The following KHDRBS3 variants were observed in gnomAD, a reference collection of about 807,000 sequenced individuals.
KHDRBS3 encodes the protein KH RNA binding domain containing, signal transduction associated 3, also known as KH domain-containing, RNA-binding, signal transduction-associated protein 3.
KHDRBS3 carries 23 observed loss-of-function variants against 45.6 expected under a neutral mutation model. The observed-to-expected ratio is 0.50, with a 90% CI of 0.36 to 0.72. The LOEUF is 0.72. KHDRBS3 is among the 30% of genes least tolerant of loss of function. The probability of loss-of-function intolerance (pLI) is 0.00; values close to 1 mark genes in which losing one functional copy is unlikely to be tolerated. For synonymous variants in KHDRBS3, 162 were observed against 156.5 expected, an observed-to-expected ratio of 1.04 and a Z score of -0.26; for missense variants, 352 against 424.8, an observed-to-expected ratio of 0.83 and a Z score of 1.51.
In KHDRBS3 at chr8:135,583,965, G is replaced by C. The variant is rs1260862631; in HGVS notation, c.807+1892G>C. Among the ~76,000 whole-genome samples, 3 of 152,156 alleles carry C rather than the reference G, an allele frequency of 2.0e-5. No homozygotes were observed. The East Asian group carries it at 5.8e-4, about 29-fold the overall frequency. ...TTTTATTTTTGTAAATGATAGGAAA[G>C]GCATTAAAACAATTGAATTGAGAAG... On this transcript the variant is annotated intron_variant, in intron 6 of 8. Transcript: ENST00000355849.
intron 7 of KHDRBS3, chr8:135,625,508 GCTGCA>G (rs1830319286): frequency 2.5e-6 from 2 of 804,866 alleles, no homozygotes; most frequent in East Asian, 4.9e-5. Flanking sequence ...CCTCAGGGGA[GCTGCA>G]CTGCTAGAAC....
At chr8:135,607,108 A>G in intron 7 of KHDRBS3, 71 bp downstream of exon 7, 9 of 1,216,934 alleles carry the variant, frequency 7.4e-6, no homozygotes, top group Non-Finnish European at 1.1e-5. Context: ...TATTCTGGGA[A>G]AAGTATGGCA....
At chr8:135,483,973 C>A (rs1033410648) in intron 1 of KHDRBS3, among the ~76,000 whole-genome samples, 1 of 152,086 alleles carries the variant, frequency 6.6e-6, no homozygotes, top group East Asian at 1.9e-4. Flanking sequence ...GAAGATGAGG[C>A]CTCTGGAATT....
intron 7 of KHDRBS3, among the ~76,000 whole-genome samples, chr8:135,621,979 G>A (rs1001742535): frequency 6.6e-6 from 1 of 151,960 alleles, no homozygotes; most frequent in Non-Finnish European, 1.5e-5. Context: ...CCTTGCTTGT[G>A]GAGCACCCGG....
Position 135,581,871 on chromosome 8 carries a change from G to C in KHDRBS3, c.612-7G>C, listed in dbSNP as rs745325980. On this transcript the variant is annotated splice_region_variant and splice_polypyrimidine_tract_variant and intron_variant, in intron 5 of 8. Coordinates refer to ENST00000355849, the MANE Select transcript of KHDRBS3 (RefSeq NM_006558.3). ...AGATACTGCTAATTTGACTCTCTTG[G>C]TTACAGGGGAAGGGGAGGAGTTACA... The C allele has an allele frequency of 6.4e-7, 1 of 1,569,534 alleles. No homozygotes were observed. Among genetic ancestry groups the C allele is most frequent in the Middle Eastern group, 1.7e-4 (1 of 5,880 alleles).
At chr8:135,479,582 G>T (rs1822463517) in intron 1 of KHDRBS3, among the ~76,000 whole-genome samples, 1 of 152,176 alleles carries the variant, frequency 6.6e-6, no homozygotes. Context: ...TGTTCCTCAT[G>T]AATGGCACCT....
In KHDRBS3 at chr8:135,515,365, TAAAAAAAAAA is replaced by T. The variant is rs59502823; in HGVS notation, c.89-5844_89-5835del. The stretch of plus-strand genomic sequence containing the variant: ...TGGGCGACAGAGCGAGACTCCGTCT[TAAAAAAAAAA>T]AAAAAAAAAAAAAAAAAAAAAAAAA... On this transcript the variant is annotated intron_variant, in intron 1 of 8. Transcript: ENST00000355849. Among the ~76,000 whole-genome samples the T allele has an allele frequency of 6.4e-3, 254 of 39,728 alleles. 10 individuals are homozygous for T. The highest frequency in any genetic ancestry group is 0.016 in the Middle Eastern group (1 of 62). 26.1% of individuals were successfully genotyped at this position (39,728 alleles called of 152,430 possible).
At chr8:135,648,412 TATTTA>T (rs1291878258), downstream of KHDRBS3, 4 of 152,236 alleles carry the variant, frequency 2.6e-5, no homozygotes, top group East Asian at 7.7e-4. Flanking sequence ...AACTGACAAA[TATTTA>T]ATAAAGTTTA....
chr8:135,645,072 T>A lies in KHDRBS3; in HGVS notation c.904T>A (p.Tyr302Asn), dbSNP rs376888844. ...STPAQSGADY[Y>N]DYGHGLSEET... ...GATCACTTGCAGTGGTGCTGATTACTATGATTACGGACATGGACTCAGTGA... is the reference window on the plus strand; with the variant it reads ...GATCACTTGCAGTGGTGCTGATTACAATGATTACGGACATGGACTCAGTGA... The change falls in exon 8 of 9, where the codon TAT becomes AAT. Residue 302 changes from tyrosine (Y) to asparagine (N), a missense_variant. By Grantham distance (143) the Tyr-to-Asn change is moderately radical. Transcript: ENST00000355849. The A allele has an allele frequency of 7.4e-6, 12 of 1,613,508 alleles. No homozygotes were observed. Among genetic ancestry groups the A allele is most frequent in the East Asian group, 2.2e-5 (1 of 44,882 alleles).
chr8:135,577,763 A>G (rs1263289853), intron 5 of KHDRBS3, among the ~76,000 whole-genome samples: 1 of 152,188 alleles, frequency 6.6e-6, no homozygotes, highest in Non-Finnish European at 1.5e-5. Context: ...AAACCTAAGA[A>G]TACAACTGCT....
rs556145759 is a variant in KHDRBS3 at position 135,626,619 on chromosome 8, C to T, written c.891-18440C>T. On this transcript the variant is annotated intron_variant, in intron 7 of 8. Transcript: ENST00000355849. ...GAGATCGAGACCATCTTGGCTAACA[C>T]GGTGAAACCCCGTTTCTACTAAAAA... Among the ~76,000 whole-genome samples the T allele has an allele frequency of 1.7e-3, 254 of 152,104 alleles. 1 individual carries two copies. Among genetic ancestry groups the T allele is most frequent in the African/African-American group, 5.7e-3 (237 of 41,482 alleles).
At chr8:135,518,689 G>A (rs867321360) in intron 1 of KHDRBS3, among the ~76,000 whole-genome samples, 5 of 152,130 alleles carry the variant, frequency 3.3e-5, no homozygotes, top group African/African-American at 1.2e-4. Context: ...TGTTATACCC[G>A]GAGCAGCTGA....
At chr8:135,521,500 G>T in intron 2 of KHDRBS3, 145 bp downstream of exon 2, 1 of 491,544 alleles carries the variant, frequency 2.0e-6, no homozygotes. Context: ...TAAAAACTTA[G>T]TAAATTTATT....
intron 6 of KHDRBS3, among the ~76,000 whole-genome samples, chr8:135,587,856 A>G (rs1311966109): frequency 6.6e-6 from 1 of 152,196 alleles, no homozygotes; most frequent in Non-Finnish European, 1.5e-5. Context: ...CCTAACACTC[A>G]GTATGGTAGT....
intron 7 of KHDRBS3, chr8:135,625,356 C>T (rs1300657816): frequency 8.6e-6 from 8 of 934,386 alleles, no homozygotes; most frequent in South Asian, 6.6e-5. Context: ...CTCTCTTTCT[C>T]CAAGTCTTCA....
intron 2 of KHDRBS3, among the ~76,000 whole-genome samples, chr8:135,527,520 G>A (rs1825252731): frequency 1.3e-5 from 2 of 152,226 alleles, no homozygotes; most frequent in Non-Finnish European, 2.9e-5. Flanking sequence ...GGGTGGCATT[G>A]GCCAAAGGTC....
chr8:135,603,291 G>A (rs1315262739), intron 6 of KHDRBS3, among the ~76,000 whole-genome samples: 2 of 152,224 alleles, frequency 1.3e-5, no homozygotes, highest in Non-Finnish European at 2.9e-5. Context: ...TAGGTGCTAA[G>A]TGATGAAGAT....
At chr8:135,459,446 TTAAG>T (rs1196042074) in intron 1 of KHDRBS3, among the ~76,000 whole-genome samples, 1 of 152,090 alleles carries the variant, frequency 6.6e-6, no homozygotes, top group Non-Finnish European at 1.5e-5. Context: ...AGAAAAAAAA[TTAAG>T]TTTTATTTCT....
In KHDRBS3 at chr8:135,636,141, CAAT is replaced by C. The variant is rs950634379; in HGVS notation, c.891-8917_891-8915del. Among the ~76,000 whole-genome samples, 6 of 152,222 alleles carry C rather than the reference CAAT, an allele frequency of 3.9e-5. No homozygotes were observed. In the South Asian group the frequency reaches 1.2e-3, roughly 32 times the overall value. On this transcript the variant is annotated intron_variant, in intron 7 of 8. Transcript: ENST00000355849. ...CATTGCTGTGAGTTATTTCACGTAA[CAAT>C]GATGTTTATGGAAAAGGCAGCTAGT...
Sources: allele counts gnomAD v4.1 joint callset (sites outside exome capture counted in the v4.1 genomes callset), GRCh38; gene constraint gnomAD v4.1.1; transcripts MANE v1.5; gene names NCBI Gene and HGNC (gene_info 2026-07-23, HGNC 2026-07-21).